Variants in SH3GLB1 observed in about 807,000 individuals in gnomAD.
SH3GLB1 encodes SH3 domain containing GRB2 like, endophilin B1.
In SH3GLB1, 17 loss-of-function variants were observed where a neutral mutation model predicts 42.0. That is an observed-to-expected ratio of 0.40 (90% CI 0.28 to 0.61). The LOEUF (loss-of-function observed/expected upper bound fraction) is 0.61, where lower values mean the gene tolerates loss of function less well. Ranked by LOEUF, SH3GLB1 falls within the 20% of genes least tolerant of loss-of-function variation. SH3GLB1 has a pLI of 0.36. For missense variants in SH3GLB1, 355 were observed against 426.3 expected (o/e 0.83, Z 1.47); for synonymous variants, 132 against 146.6 (o/e 0.90, Z 0.72).
chr1:86,708,882 T>C (rs1654028341), intron 1 of SH3GLB1, among the ~76,000 whole-genome samples: 1 of 152,192 alleles, frequency 6.6e-6, no homozygotes, highest in Non-Finnish European at 1.5e-5. Flanking sequence ...ATCTTCTACT[T>C]ATTTTAGGCT....
At chr1:86,726,609 TTAAC>T (rs1259063450) in intron 5 of SH3GLB1, among the ~76,000 whole-genome samples, 1 of 152,028 alleles carries the variant, frequency 6.6e-6, no homozygotes, top group Non-Finnish European at 1.5e-5. Flanking sequence ...ACAGCAAAAT[TTAAC>T]TATAGCCAAA....
At chr1:86,705,238 G>C (rs1348867834) in intron 1 of SH3GLB1, among the ~76,000 whole-genome samples, 1 of 152,234 alleles carries the variant, frequency 6.6e-6, no homozygotes, top group East Asian at 1.9e-4. Context: ...GAACACTAAG[G>C]CTGCACTGTC....
chr1:86,729,623 TATAGTA>T (rs1216159445), intron 5 of SH3GLB1, among the ~76,000 whole-genome samples: 2 of 152,160 alleles, frequency 1.3e-5, no homozygotes, highest in Admixed American at 6.5e-5. Flanking sequence ...AATGTAATCT[TATAGTA>T]ATATATATTT....
intron 1 of SH3GLB1, among the ~76,000 whole-genome samples, chr1:86,715,113 A>G (rs571393089): frequency 5.5e-5 from 8 of 146,766 alleles, no homozygotes; most frequent in African/African-American, 1.8e-4. Flanking sequence ...CTGGGAAACT[A>G]TTTATCTAAC....
In SH3GLB1 at chr1:86,722,606, A is replaced by G; in HGVS notation, c.410A>G (p.Gln137Arg). Residue 137 changes from glutamine to arginine, a missense_variant, in exon 4 of 9, where the codon CAA (glutamine) becomes CGA (arginine). By Grantham distance (43) the Gln-to-Arg change is conservative. Coordinates refer to ENST00000370558, the MANE Select transcript of SH3GLB1 (RefSeq NM_016009.5). ...RIGTADRELIQTSALNFLTPL... is the reference protein window; with the variant it reads ...RIGTADRELIRTSALNFLTPL... Reference sequence around the variant, plus strand: ...GGAACAGCAGACAGAGAACTGATTCAAACGTCAGCCTTAAATTTTCTTACT... The same window carrying G: ...GGAACAGCAGACAGAGAACTGATTCGAACGTCAGCCTTAAATTTTCTTACT... 5 of 1,610,860 alleles carry G rather than the reference A, an allele frequency of 3.1e-6. No individual in the cohort carries two copies. The highest frequency in any genetic ancestry group is 1.7e-5 in the Admixed American group (1 of 59,668).
At position 86,733,896 on chromosome 1, in the gene SH3GLB1, G is replaced by A. The variant is rs138877711; in HGVS notation, c.571-706G>A. On this transcript the variant is annotated intron_variant, in intron 5 of 8. Coordinates refer to ENST00000370558, the MANE Select transcript of SH3GLB1 (RefSeq NM_016009.5). Reference sequence around the variant, plus strand: ...GAGAGCTTTTTTTTTTATTTCTTGGGGAAGAATTTAACAGCACACTACTGA... The same window carrying A: ...GAGAGCTTTTTTTTTTATTTCTTGGAGAAGAATTTAACAGCACACTACTGA... Among the ~76,000 whole-genome samples the A allele has an allele frequency of 4.6e-3, 700 of 151,962 alleles. 4 individuals carry two copies. The highest frequency in any genetic ancestry group is 0.016 in the African/African-American group (649 of 41,434).
At position 86,724,368 on chromosome 1, in the gene SH3GLB1, G is replaced by A. The variant is rs1037727894; in HGVS notation, c.533G>A (p.Arg178Lys). The A allele has an allele frequency of 6.9e-6, 11 of 1,603,768 alleles. No homozygotes were observed. Among genetic ancestry groups the A allele is most frequent in the East Asian group, 6.7e-5 (3 of 44,700 alleles). ...CTGGATTTGGATGCTGCAAAAACGA[G>A]ACTAAAAAAGGCAAAAGCTGCAGAA... ...KRLDLDAAKTRLKKAKAAETR... is the reference protein window; with the variant it reads ...KRLDLDAAKTKLKKAKAAETR... Residue 178 changes from arginine to lysine, a missense_variant, in exon 5 of 9, where the codon AGA becomes AAA. Transcript: ENST00000370558.
At chr1:86,740,686 CTG>C (rs1388245997) in intron 7 of SH3GLB1, among the ~76,000 whole-genome samples, 1 of 152,050 alleles carries the variant, frequency 6.6e-6, no homozygotes, top group East Asian at 1.9e-4. Context: ...CTAGATGTGA[CTG>C]TGGGAATAGG....
At chr1:86,715,333 A>G (rs1000179947) in intron 1 of SH3GLB1, among the ~76,000 whole-genome samples, 1 of 152,236 alleles carries the variant, frequency 6.6e-6, no homozygotes, top group Non-Finnish European at 1.5e-5. Context: ...TCACACAGCA[A>G]GGAACAAAGT....
chr1:86,713,177 T>G (rs1051161972), intron 1 of SH3GLB1, among the ~76,000 whole-genome samples: 1 of 152,168 alleles, frequency 6.6e-6, no homozygotes, highest in African/African-American at 2.4e-5. Flanking sequence ...AGGGTCTTGC[T>G]GTGTCACCCA....
intron 7 of SH3GLB1, among the ~76,000 whole-genome samples, chr1:86,739,573 C>T (rs192634034): frequency 8.7e-4 from 132 of 152,108 alleles, no homozygotes; most frequent in African/African-American, 3.0e-3. Flanking sequence ...CGTAAGAATA[C>T]GTAAATCTTT....
At chr1:86,718,214 A>AT (rs879327186) in intron 2 of SH3GLB1, among the ~76,000 whole-genome samples, 46 of 144,362 alleles carry the variant, frequency 3.2e-4, no homozygotes, top group East Asian at 1.4e-3. Context: ...TAATTTTTGT[A>AT]TTTTTTTTTT....
chr1:86,718,508 A>G (rs1030531157), intron 2 of SH3GLB1, among the ~76,000 whole-genome samples: 1 of 152,190 alleles, frequency 6.6e-6, no homozygotes, highest in African/African-American at 2.4e-5. Flanking sequence ...ACTCTATTTT[A>G]TGTATTATAA....
rs537863952 is a variant in SH3GLB1 at position 86,745,667 on chromosome 1, T to G, written c.*2432T>G. ...CACAGAACCACCACAATATATATGC[T>G]TGTTCTTAGGTTTATTGCTTTTTAT... is the stretch of plus-strand genomic sequence containing the variant. On this transcript the variant is annotated 3_prime_UTR_variant, in exon 9 of 9. Transcript: ENST00000370558. 1 of 152,312 alleles carries G rather than the reference T, an allele frequency of 6.6e-6. No individual in the cohort carries two copies. Among genetic ancestry groups the G allele is most frequent in the East Asian group, 1.9e-4 (1 of 5,186 alleles). 9.4% of individuals were successfully genotyped at this position (152,312 alleles called of 1,614,324 possible). A position where few individuals can be genotyped will look rare whatever the true frequency, so the allele number is the denominator to read the frequency against.
At chr1:86,739,419 C>G (rs1009687828) in intron 7 of SH3GLB1, among the ~76,000 whole-genome samples, 1 of 152,176 alleles carries the variant, frequency 6.6e-6, no homozygotes, top group Admixed American at 6.5e-5. Flanking sequence ...TGGTCACTGC[C>G]TAGGTCAAGT....
chr1:86,704,820 A>C lies in SH3GLB1; in HGVS notation c.-80A>C. On this transcript the variant is annotated 5_prime_UTR_variant, in exon 1 of 9. Transcript: ENST00000370558. ...CTACCACGTCTGCCCTCGCCGCTCT[A>C]GCCCTGCGCCCCAGCCCGGCCGCGG... The C allele has an allele frequency of 1.1e-6, 1 of 911,088 alleles. No homozygotes were observed. The highest frequency in any genetic ancestry group is 2.7e-5 in the Admixed American group (1 of 37,528). The allele number at this position is 911,088 out of a possible 1,614,324, so 56.4% of individuals were successfully genotyped here.
chr1:86,718,066 G>T (rs1295191989), intron 2 of SH3GLB1, among the ~76,000 whole-genome samples: 3 of 148,694 alleles, frequency 2.0e-5, no homozygotes, highest in African/African-American at 2.5e-5. Flanking sequence ...TTGAGACAGA[G>T]TCTCACTCTT....
chr1:86,734,934 C>T (rs1054803445), intron 6 of SH3GLB1, 145 bp from the exon 7 acceptor site: 29 of 666,650 alleles, frequency 4.4e-5, no homozygotes, highest in Admixed American at 1.7e-4. Context: ...GTACTATTCA[C>T]GAAGGCCAAT....
Position 86,745,326 on chromosome 1 carries a change from A to G in SH3GLB1, c.*2091A>G, listed in dbSNP as rs996143750. ...TGCCTTTCAGGGAAAGGCTTGGCAC[A>G]TAGTAAACACATCCTGTAAATATCA... On this transcript the variant is annotated 3_prime_UTR_variant, in exon 9 of 9. Transcript: ENST00000370558. 3 of 152,254 alleles carry G rather than the reference A, an allele frequency of 2.0e-5. No homozygotes were observed. Among genetic ancestry groups the G allele is most frequent in the Admixed American group, 6.5e-5 (1 of 15,278 alleles). The allele number at this position is 152,254 out of a possible 1,614,324, so 9.4% of individuals were successfully genotyped here. A position where few individuals can be genotyped will look rare whatever the true frequency, so the allele number is the denominator to read the frequency against.
Sources: allele counts gnomAD v4.1 joint callset (sites outside exome capture counted in the v4.1 genomes callset), GRCh38; gene constraint gnomAD v4.1.1; transcripts MANE v1.5; gene names NCBI Gene and HGNC (gene_info 2026-07-23, HGNC 2026-07-21).